RAPGEF6: variants seen among roughly 807,000 people sequenced by gnomAD.
RAPGEF6 encodes the protein PDZ domain containing guanine nucleotide exchange factor (GEF) 2.
RAPGEF6 carries 56 observed loss-of-function variants against 171.4 expected under a neutral mutation model. The observed-to-expected ratio is 0.33, with a 90% confidence interval of 0.26 to 0.41. The LOEUF is 0.41. RAPGEF6 is among the 10% of genes least tolerant of loss of function. RAPGEF6 has a pLI of 1.00. For missense variants in RAPGEF6, 1,674 were observed against 1,921.4 expected (o/e 0.87, Z 2.41); for synonymous variants, 692 against 650.1 (o/e 1.06, Z -0.98).
intron 3 of RAPGEF6, among the ~76,000 whole-genome samples, chr5:131,599,431 A>G (rs990577447): frequency 9.2e-5 from 14 of 152,188 alleles, no homozygotes; most frequent in East Asian, 1.9e-4. Flanking sequence ...AGCAAAATAA[A>G]CAAATGAGCA....
At chr5:131,445,582 C>T (rs746530691) in intron 22 of RAPGEF6, among the ~76,000 whole-genome samples, 8 of 150,876 alleles carry the variant, frequency 5.3e-5, no homozygotes, top group South Asian at 2.1e-4. Context: ...TCTGTGTGTG[C>T]GCGCGTATTT....
chr5:131,481,030 CA>C (rs1755443167), intron 15 of RAPGEF6, among the ~76,000 whole-genome samples: 1 of 151,226 alleles, frequency 6.6e-6, no homozygotes, highest in South Asian at 2.1e-4. Flanking sequence ...CTCCTGGGTT[CA>C]AGAGGTTATC....
intron 15 of RAPGEF6, among the ~76,000 whole-genome samples, chr5:131,483,884 A>G (rs1755677977): frequency 6.6e-6 from 1 of 152,010 alleles, no homozygotes; most frequent in Admixed American, 6.5e-5. Flanking sequence ...GTGGATCATG[A>G]GGTCAGGAGA....
At chr5:131,456,052 G>A in intron 19 of RAPGEF6, 40 bp from the exon 20 acceptor site, 1 of 1,549,870 alleles carries the variant, frequency 6.5e-7, no homozygotes, top group Non-Finnish European at 8.9e-7. Flanking sequence ...AAGAAACTTG[G>A]GGAAAGGGGT....
At chr5:131,479,042 A>G (rs1755292550) in intron 16 of RAPGEF6, among the ~76,000 whole-genome samples, 1 of 152,182 alleles carries the variant, frequency 6.6e-6, no homozygotes, top group African/African-American at 2.4e-5. Flanking sequence ...CTTAATTTAC[A>G]TTTAAAATCT....
chr5:131,510,491 C>A lies in RAPGEF6; in HGVS notation c.628G>T (p.Ala210Ser). 2 of 1,609,280 alleles carry A rather than the reference C, an allele frequency of 1.2e-6. No individual in the cohort carries two copies. Among genetic ancestry groups the A allele is most frequent in the Non-Finnish European group, 8.5e-7 (1 of 1,178,478 alleles). ...GSSSLSDIYQATESEVGDVDL... is the reference protein window; with the variant it reads ...GSSSLSDIYQSTESEVGDVDL... ...ACATCTCCTACCTCACTCTCCGTAG[C>A]CTATGAAAAGAAATCTTGATCACTT... The change falls in exon 8 of 28, where the codon GCT becomes TCT. Residue 210 changes from alanine to serine, a missense_variant and splice_region_variant. Ala to Ser is a moderately conservative substitution (Grantham distance 99). Transcript: ENST00000509018.
intron 5 of RAPGEF6, among the ~76,000 whole-genome samples, chr5:131,555,827 G>A (rs1340625265): frequency 1.3e-5 from 2 of 151,988 alleles, no homozygotes; most frequent in Admixed American, 6.6e-5. Context: ...TGCACTTAAC[G>A]ATAAGGATAC....
chr5:131,501,123 T>C (rs986216634), intron 11 of RAPGEF6, among the ~76,000 whole-genome samples: 1 of 151,880 alleles, frequency 6.6e-6, no homozygotes, highest in Admixed American at 6.6e-5. Flanking sequence ...CCCGGCCAAA[T>C]GGCCAAAATG....
At chr5:131,559,541 G>A (rs1377278466) in intron 5 of RAPGEF6, among the ~76,000 whole-genome samples, 1 of 151,668 alleles carries the variant, frequency 6.6e-6, no homozygotes, top group African/African-American at 2.4e-5. Flanking sequence ...AGTATACTTT[G>A]GGCCAGGCAT....
intron 5 of RAPGEF6, among the ~76,000 whole-genome samples, chr5:131,553,606 A>T (rs913603977): frequency 1.4e-5 from 2 of 143,444 alleles, no homozygotes; most frequent in African/African-American, 6.0e-5. Context: ...CAAAATAAAA[A>T]TATAAAATAA....
At chr5:131,432,835 A>G (rs888897866) in intron 25 of RAPGEF6, among the ~76,000 whole-genome samples, 17 of 152,168 alleles carry the variant, frequency 1.1e-4, no homozygotes, top group African/African-American at 4.1e-4. Context: ...AATCTTTATA[A>G]ATGTGGTAAT....
chr5:131,451,021 G>A (rs1457246098), intron 21 of RAPGEF6, among the ~76,000 whole-genome samples: 1 of 152,150 alleles, frequency 6.6e-6, no homozygotes, highest in Non-Finnish European at 1.5e-5. Flanking sequence ...AGTAAATAGA[G>A]GTCCACATAA....
chr5:131,498,064 C>T lies in RAPGEF6; in HGVS notation c.1419+379G>A, dbSNP rs181848244. On this transcript the variant is annotated intron_variant, in intron 12 of 27. Transcript: ENST00000509018. ...CATTTTGAAGCTTAAAAGCAATCTG[C>T]CCTCTTAAAAAAATGTATTTGATGA... 2.0e-5 allele frequency among the ~76,000 whole-genome samples: 3 copies of T among 152,126 alleles called. No homozygotes were observed. The East Asian group carries it at 5.8e-4, about 29-fold the overall frequency.
rs1225680646 is a variant in RAPGEF6 at position 131,439,646 on chromosome 5, G to C, written c.3680C>G (p.Thr1227Ser). ...ATGTAAAGATGACGCCACAGAAATAGTGTCTTCTGTATGCTTCTTACCACT... is the reference window on the plus strand; with the variant it reads ...ATGTAAAGATGACGCCACAGAAATACTGTCTTCTGTATGCTTCTTACCACT... The part of the protein sequence containing the change: ...EISGKKHTED[T>S]ISVASSLHSS... The change falls in exon 24 of 28, where the codon ACT becomes AGT. Residue 1227 changes from threonine to serine, a missense_variant. By Grantham distance (58) the Thr-to-Ser change is moderately conservative. Around this residue, in one of 3 missense-constraint regions of RAPGEF6, gnomAD observed 552 missense variants for 574.2 expected, o/e 0.96. Coordinates refer to ENST00000509018, the MANE Select transcript of RAPGEF6 (RefSeq NM_016340.6). The C allele has an allele frequency of 3.7e-5, 60 of 1,612,830 alleles. No homozygotes were observed. The highest frequency in any genetic ancestry group is 5.1e-5 in the Non-Finnish European group (60 of 1,179,354).
At chr5:131,538,193 T>TTA (rs755053419) in intron 6 of RAPGEF6, among the ~76,000 whole-genome samples, 10 of 152,298 alleles carry the variant, frequency 6.6e-5, no homozygotes, top group Non-Finnish European at 1.0e-4. Flanking sequence ...GTATTAGGTA[T>TTA]TATAAGTAAT....
chr5:131,507,504 G>C (rs993708816), intron 9 of RAPGEF6, among the ~76,000 whole-genome samples: 1 of 152,008 alleles, frequency 6.6e-6, no homozygotes, highest in Admixed American at 6.6e-5. Context: ...AGCACTTCCT[G>C]ATGGCAATAA....
chr5:131,569,687 TAAACC>T (rs1242849368), intron 4 of RAPGEF6, among the ~76,000 whole-genome samples: 1 of 152,158 alleles, frequency 6.6e-6, no homozygotes, highest in African/African-American at 2.4e-5. Context: ...TTCTCAAAAA[TAAACC>T]TTAAAGTAGA....
At chr5:131,464,518 G>A (rs1754190428) in intron 17 of RAPGEF6, among the ~76,000 whole-genome samples, 1 of 149,462 alleles carries the variant, frequency 6.7e-6, no homozygotes, top group Non-Finnish European at 1.5e-5. Flanking sequence ...CTATATATAT[G>A]GTTTGGAAGC....
intron 11 of RAPGEF6, among the ~76,000 whole-genome samples, chr5:131,499,132 T>C (rs1308262254): frequency 2.0e-5 from 3 of 152,226 alleles, no homozygotes; most frequent in African/African-American, 7.2e-5. Flanking sequence ...GTTTCATTAT[T>C]GTTACTTCCC....
Sources: gnomAD v4.1 joint callset for allele counts (sites outside exome capture counted in the v4.1 genomes callset) on GRCh38, gnomAD v4.1.1 for gene constraint, gnomAD v4.1.1 regional missense constraint, MANE v1.5 for transcripts, NCBI Gene and HGNC (gene_info 2026-07-23, HGNC 2026-07-21) for gene names.